The following ABL2 variants were observed in gnomAD, a reference collection of about 807,000 sequenced individuals.
ABL2 encodes tyrosine-protein kinase ABL2.
Under a neutral mutation model 107.7 loss-of-function variants are expected in ABL2, and 49 were observed. That is an observed-to-expected ratio of 0.45 (90% CI 0.36 to 0.58). The LOEUF (loss-of-function observed/expected upper bound fraction) is 0.58. Among genes scored for constraint, ABL2 ranks in the 20% least tolerant of loss-of-function variants. The pLI is 0.00. For synonymous variants in ABL2, 549 were observed against 548.6 expected, an observed-to-expected ratio of 1.00 and a Z score of -0.01; for missense variants, 1,245 against 1,457.0, an observed-to-expected ratio of 0.85 and a Z score of 2.37.
intron 2 of ABL2, among the ~76,000 whole-genome samples, chr1:179,132,136 G>C (rs1479880507): frequency 6.6e-6 from 1 of 152,172 alleles, no homozygotes; most frequent in Non-Finnish European, 1.5e-5. Context: ...CACCCGGCCT[G>C]AATGACTTTT....
Position 179,178,400 on chromosome 1 carries a change from T to TAAAAAAAAAAAAAAAAA in ABL2, c.158-45027_158-45026insTTTTTTTTTTTTTTTTT, listed in dbSNP as rs1437261927. ...CTGGGTGACAGAGCAAGACTCTGCC[T>TAAAAAAAAAAAAAAAAA]CAAAAAAAAAAAAAAAAAAATTATT... On this transcript the variant is annotated intron_variant, in intron 1 of 11. Coordinates refer to ENST00000502732, the MANE Select transcript of ABL2 (RefSeq NM_007314.4). Among the ~76,000 whole-genome samples the TAAAAAAAAAAAAAAAAA allele has an allele frequency of 4.4e-4, 16 of 36,126 alleles. 1 individual carries two copies. The highest frequency in any genetic ancestry group is 1.0e-3 in the Non-Finnish European group (16 of 16,078). The allele number at this position is 36,126 out of a possible 152,430, so 23.7% of individuals were successfully genotyped here. A position where few individuals can be genotyped will look rare whatever the true frequency, so the allele number is the denominator to read the frequency against.
At chr1:179,153,633 C>A (rs1571210068) in intron 1 of ABL2, among the ~76,000 whole-genome samples, 1 of 152,124 alleles carries the variant, frequency 6.6e-6, no homozygotes, top group Non-Finnish European at 1.5e-5. Context: ...ACTCAATAAT[C>A]CAGGATAAGC....
intron 1 of ABL2, among the ~76,000 whole-genome samples, chr1:179,219,208 AG>A (rs1214097218): frequency 2.0e-5 from 3 of 152,134 alleles, no homozygotes; most frequent in Non-Finnish European, 4.4e-5. Context: ...ACGCCTGGCT[AG>A]GTTTTCTATT....
intron 1 of ABL2, among the ~76,000 whole-genome samples, chr1:179,185,393 T>C (rs1426411792): frequency 6.6e-6 from 1 of 152,158 alleles, no homozygotes; most frequent in Non-Finnish European, 1.5e-5. Context: ...GCAAAACCTG[T>C]AGTATCTTAT....
intron 1 of ABL2, among the ~76,000 whole-genome samples, chr1:179,165,238 G>A (rs1400665595): frequency 1.3e-5 from 2 of 152,164 alleles, no homozygotes; most frequent in Non-Finnish European, 2.9e-5. Context: ...GCCAACTACT[G>A]TAACAGGAAC....
At chr1:179,128,593 T>C (rs1378367773) in intron 3 of ABL2, among the ~76,000 whole-genome samples, 5 of 152,220 alleles carry the variant, frequency 3.3e-5, no homozygotes, top group Non-Finnish European at 7.3e-5. Context: ...AAAATTTTTC[T>C]ACCCTGGAAG....
intron 1 of ABL2, among the ~76,000 whole-genome samples, chr1:179,225,647 G>A (rs374188990): frequency 1.3e-5 from 2 of 152,106 alleles, no homozygotes; most frequent in African/African-American, 4.8e-5. Context: ...GCATCTAGTG[G>A]GTAGAGTCCA....
chr1:179,183,166 G>T (rs1159788824), intron 1 of ABL2, among the ~76,000 whole-genome samples: 1 of 151,940 alleles, frequency 6.6e-6, no homozygotes, highest in Non-Finnish European at 1.5e-5. Context: ...TCTCACAAGT[G>T]GAAGCTAAAT....
chr1:179,112,259 C>T (rs1165089667), intron 10 of ABL2, 50 bp downstream of exon 10: 5 of 1,498,620 alleles, frequency 3.3e-6, no homozygotes, highest in Non-Finnish European at 4.6e-6. Context: ...ATCACCACCA[C>T]CACCACTACC....
At chr1:179,224,394 G>C (rs1475595187) in intron 1 of ABL2, among the ~76,000 whole-genome samples, 1 of 151,730 alleles carries the variant, frequency 6.6e-6, no homozygotes, top group Non-Finnish European at 1.5e-5. Flanking sequence ...AGCCTCCTGA[G>C]TAGCTGGGAC....
At chr1:179,173,358 ATTTT>A (rs554479137) in intron 1 of ABL2, among the ~76,000 whole-genome samples, 6 of 106,118 alleles carry the variant, frequency 5.7e-5, no homozygotes, top group South Asian at 3.1e-4. Flanking sequence ...AAAGGCTGTA[ATTTT>A]TTTTTTTTTT....
At chr1:179,159,632 T>G (rs1658942947) in intron 1 of ABL2, among the ~76,000 whole-genome samples, 2 of 152,142 alleles carry the variant, frequency 1.3e-5, no homozygotes, top group Admixed American at 6.5e-5. Flanking sequence ...TTAATAGCCA[T>G]GGGCTGCTAC....
In ABL2 at chr1:179,229,315, G is replaced by A. The variant is rs996366201; in HGVS notation, c.83C>T (p.Ala28Val). The change falls in exon 1 of 12, where the codon GCC becomes GTC. Residue 28 changes from alanine (A) to valine (V), a missense_variant. This residue lies in a region of ABL2 where 164 missense variants were observed against 143.7 expected (regional missense o/e 1.14). Coordinates refer to ENST00000502732, the MANE Select transcript of ABL2 (RefSeq NM_007314.4). ...GTCCCGCCTGCGGCCGGAGGGCCTGGCTGCACTGCTGCCCCGGATCCCGCG... is the reference window on the plus strand; with the variant it reads ...GTCCCGCCTGCGGCCGGAGGGCCTGACTGCACTGCTGCCCCGGATCCCGCG... ...QPRGIRGSSAARPSGRRRDPA... is the reference protein window; with the variant it reads ...QPRGIRGSSAVRPSGRRRDPA... The A allele has an allele frequency of 1.3e-6, 2 of 1,584,500 alleles. No homozygotes were observed. The highest frequency in any genetic ancestry group is 1.7e-6 in the Non-Finnish European group (2 of 1,168,004).
At chr1:179,201,739 T>C (rs999876629) in intron 1 of ABL2, 1 of 754,204 alleles carries the variant, frequency 1.3e-6, no homozygotes, top group Non-Finnish European at 2.2e-6. Flanking sequence ...TCTTTAGTCA[T>C]CAACTATGAC....
Position 179,147,181 on chromosome 1 carries a change from C to CAAAAAAAAAAAAAAAAAAAAAA in ABL2, c.158-13829_158-13808dup, listed in dbSNP as rs58297805. 8.7e-4 allele frequency among the ~76,000 whole-genome samples: 44 copies of CAAAAAAAAAAAAAAAAAAAAAA among 50,532 alleles called. 8 individuals are homozygous for CAAAAAAAAAAAAAAAAAAAAAA. The highest frequency in any genetic ancestry group is 1.7e-3 in the African/African-American group (23 of 13,240). 33.2% of individuals were successfully genotyped at this position (50,532 alleles called of 152,430 possible). ...CCAATCACTAATCATCAGAGAAATG[C>CAAAAAAAAAAAAAAAAAAAAAA]AAAAAAAAAAAAAAAAAAAAAAAAA... On this transcript the variant is annotated intron_variant, in intron 1 of 11. Transcript: ENST00000502732.
At chr1:179,150,561 G>A (rs79323435) in intron 1 of ABL2, among the ~76,000 whole-genome samples, 172 of 152,232 alleles carry the variant, frequency 1.1e-3, no homozygotes, top group African/African-American at 4.0e-3. Flanking sequence ...AAACCTGAAC[G>A]GATGAGGAGT....
intron 1 of ABL2, among the ~76,000 whole-genome samples, chr1:179,179,898 C>T (rs1660270580): frequency 6.7e-6 from 1 of 148,336 alleles, no homozygotes; most frequent in Non-Finnish European, 1.5e-5. Flanking sequence ...GTCAGGGGTT[C>T]AAGACCAGCC....
chr1:179,173,995 G>C (rs1247556453), intron 1 of ABL2, among the ~76,000 whole-genome samples: 2 of 152,076 alleles, frequency 1.3e-5, no homozygotes, highest in Non-Finnish European at 2.9e-5. Flanking sequence ...GCAAGAAAAA[G>C]AAAATGGTTT....
chr1:179,165,131 T>A (rs1281833296), intron 1 of ABL2, among the ~76,000 whole-genome samples: 1 of 152,210 alleles, frequency 6.6e-6, no homozygotes, highest in African/African-American at 2.4e-5. Flanking sequence ...AGGTGAATGA[T>A]GCAGACATTG....
Sources: allele counts gnomAD v4.1 joint callset (sites outside exome capture counted in the v4.1 genomes callset), GRCh38; gene constraint gnomAD v4.1.1; regional missense constraint gnomAD v4.1.1; transcripts MANE v1.5; gene names NCBI Gene and HGNC (gene_info 2026-07-23, HGNC 2026-07-21).